Variants in SDCCAG8 observed in about 807,000 individuals in gnomAD.
SDCCAG8 encodes the protein serologically defined colon cancer antigen 8.
In SDCCAG8, 74 loss-of-function variants were observed where a neutral mutation model predicts 101.8. The observed-to-expected ratio is 0.73, with a 90% CI of 0.60 to 0.88. The LOEUF is 0.88. Among genes scored for constraint, SDCCAG8 ranks in the 40% least tolerant of loss-of-function variants. The probability of loss-of-function intolerance (pLI) is 0.00; values close to 1 mark genes in which losing one functional copy is unlikely to be tolerated. For missense variants in SDCCAG8, 787 were observed against 822.6 expected, an observed-to-expected ratio of 0.96 and a Z score of 0.53; for synonymous variants, 281 against 292.9, an observed-to-expected ratio of 0.96 and a Z score of 0.41.
chr1:243,265,231 G>A (rs758222993), intron 1 of SDCCAG8, among the ~76,000 whole-genome samples: 6 of 152,288 alleles, frequency 3.9e-5, no homozygotes, highest in African/African-American at 1.2e-4. Context: ...GAAATGTAGC[G>A]TTGAAATGAC....
chr1:243,474,702 G>C lies in SDCCAG8; in HGVS notation c.1986-14312G>C, dbSNP rs1026849429. Reference sequence around the variant, plus strand: ...CTGCAGAGGCACAATTGCCCAGCGTGGGGTGGAAGGCAGGCTGGGAGCTCC... The same window carrying C: ...CTGCAGAGGCACAATTGCCCAGCGTCGGGTGGAAGGCAGGCTGGGAGCTCC... On this transcript the variant is annotated intron_variant, in intron 16 of 17. Coordinates refer to ENST00000366541, the MANE Select transcript of SDCCAG8 (RefSeq NM_006642.5). This position sits in a 1 kb window ranked among gnomAD's most constrained non-coding sequence, Gnocchi z 4.7. Among the ~76,000 whole-genome samples the C allele has an allele frequency of 6.6e-6, 1 of 152,228 alleles. No homozygotes were observed. The highest frequency in any genetic ancestry group is 1.9e-4 in the East Asian group (1 of 5,182).
rs561910091 is a variant in SDCCAG8, at chr1:243,475,992, G to A, written c.1986-13022G>A. The A allele has an allele frequency of 6.1e-6, 6 of 985,438 alleles. No homozygotes were observed. The East Asian group carries it at 6.8e-4, about 112-fold the overall frequency. 61.0% of individuals were successfully genotyped at this position (985,438 alleles called of 1,614,324 possible). ...CTGGAACCCACTAGAAACCAAATGA[G>A]CCCTCCAGCAGGCCTAATCACTCTG... On this transcript the variant is annotated intron_variant, in intron 16 of 17. Transcript: ENST00000366541.
At chr1:243,436,380 A>G (rs925374236) in intron 16 of SDCCAG8, among the ~76,000 whole-genome samples, 2 of 152,044 alleles carry the variant, frequency 1.3e-5, no homozygotes, top group Admixed American at 1.3e-4. Context: ...TTACAGTTAA[A>G]TCTGTGATCC....
At chr1:243,343,631 A>G (rs1203315382) in intron 11 of SDCCAG8, among the ~76,000 whole-genome samples, 1 of 152,226 alleles carries the variant, frequency 6.6e-6, no homozygotes, top group Non-Finnish European at 1.5e-5. Flanking sequence ...GGCTTTTGCC[A>G]GAAAATCTTC....
At chr1:243,439,622 T>TCTCACACACACACACACACA in intron 16 of SDCCAG8, among the ~76,000 whole-genome samples, 1 of 120,146 alleles carries the variant, frequency 8.3e-6, no homozygotes, top group Non-Finnish European at 1.7e-5. Flanking sequence ...TGAGACTCCA[T>TCTCACACACACACACACACA]CACACACACA....
chr1:243,467,132 AC>A (rs767976807), intron 16 of SDCCAG8, among the ~76,000 whole-genome samples: 3 of 152,134 alleles, frequency 2.0e-5, no homozygotes, highest in Admixed American at 6.5e-5. Flanking sequence ...TTGTGCGTAG[AC>A]CCTCCTGGAC....
chr1:243,434,512 T>A (rs1444248408), intron 16 of SDCCAG8, among the ~76,000 whole-genome samples: 1 of 152,252 alleles, frequency 6.6e-6, no homozygotes, highest in East Asian at 1.9e-4. Flanking sequence ...TGTTCCGTTA[T>A]CCCTAGAGTT....
rs557979995 is a variant in SDCCAG8, at chr1:243,442,166, T to C, written c.1985+15608T>C. On this transcript the variant is annotated intron_variant, in intron 16 of 17. Transcript: ENST00000366541. ...ATCATCATATTACCCCAAGAGGTGA[T>C]TTTTACATCTATATCAACAGTGTTT... 2.0e-5 allele frequency among the ~76,000 whole-genome samples: 3 copies of C among 152,300 alleles called. No individual in the cohort carries two copies. In the South Asian group the frequency reaches 6.2e-4, roughly 32 times the overall value.
At chr1:243,297,373 A>G (rs2071035078) in intron 6 of SDCCAG8, among the ~76,000 whole-genome samples, 1 of 152,222 alleles carries the variant, frequency 6.6e-6, no homozygotes, top group African/African-American at 2.4e-5. Flanking sequence ...TATTGTGAGC[A>G]GTGCTGCTAT....
At chr1:243,478,591 C>T (rs994009764) in intron 16 of SDCCAG8, among the ~76,000 whole-genome samples, 3 of 152,100 alleles carry the variant, frequency 2.0e-5, no homozygotes, top group Non-Finnish European at 4.4e-5. Flanking sequence ...CCCCACTGCA[C>T]GATCCTCAGG....
At chr1:243,307,197 AC>A (rs1221801758) in intron 7 of SDCCAG8, among the ~76,000 whole-genome samples, 1 of 151,952 alleles carries the variant, frequency 6.6e-6, no homozygotes, top group Non-Finnish European at 1.5e-5. Flanking sequence ...TTAAAAAGTC[AC>A]CTTGGAGAAA....
At chr1:243,424,795 A>G (rs1224856410) in intron 15 of SDCCAG8, among the ~76,000 whole-genome samples, 2 of 152,022 alleles carry the variant, frequency 1.3e-5, no homozygotes, top group East Asian at 3.8e-4. Flanking sequence ...AAAGTTTTGT[A>G]TTTTTATATT....
chr1:243,376,976 T>C (rs2077634438), intron 12 of SDCCAG8, among the ~76,000 whole-genome samples: 1 of 152,218 alleles, frequency 6.6e-6, no homozygotes. Flanking sequence ...CCGGAGCTTT[T>C]GTGCCCTTAC....
At chr1:243,406,565 C>T (rs940287454) in intron 13 of SDCCAG8, among the ~76,000 whole-genome samples, 7 of 152,152 alleles carry the variant, frequency 4.6e-5, no homozygotes. Context: ...ACACTGCAGC[C>T]AGAGTGATCT....
At chr1:243,499,617 A>C (rs1669002450) in intron 17 of SDCCAG8, 139 bp from the exon 18 acceptor site, 2 of 735,682 alleles carry the variant, frequency 2.7e-6, no homozygotes, top group African/African-American at 1.8e-5. Context: ...CTTTTCATAT[A>C]ATTTCCACAT....
chr1:243,434,594 C>A (rs1364967683), intron 16 of SDCCAG8, among the ~76,000 whole-genome samples: 3 of 152,162 alleles, frequency 2.0e-5, no homozygotes, highest in Non-Finnish European at 4.4e-5. Context: ...AACAGACAAT[C>A]GAATACTAGA....
chr1:243,270,667 G>A (rs1353555604), intron 2 of SDCCAG8, among the ~76,000 whole-genome samples: 1 of 151,944 alleles, frequency 6.6e-6, no homozygotes, highest in African/African-American at 2.4e-5. Flanking sequence ...GTTTATCCTT[G>A]CAGTGTTATC....
chr1:243,366,500 A>T (rs924054407), intron 12 of SDCCAG8, among the ~76,000 whole-genome samples: 5 of 152,042 alleles, frequency 3.3e-5, no homozygotes, highest in Admixed American at 2.6e-4. Context: ...AAGTGAATAT[A>T]ATTAGCCCAA....
At chr1:243,316,699 T>C (rs1420463727) in intron 8 of SDCCAG8, 56 bp from the exon 9 acceptor site, 90 of 1,607,712 alleles carry the variant, frequency 5.6e-5, no homozygotes, top group East Asian at 8.9e-5. Context: ...CCCTGACTTA[T>C]GAGGACAGGA....
Sources: allele counts gnomAD v4.1 joint callset (sites outside exome capture counted in the v4.1 genomes callset), GRCh38; gene constraint gnomAD v4.1.1; non-coding constraint Gnocchi (gnomAD v3.1); transcripts MANE v1.5; gene names NCBI Gene and HGNC (gene_info 2026-07-23, HGNC 2026-07-21).